The following COCH variants were observed in gnomAD, a reference collection of about 807,000 sequenced individuals.
The protein encoded by COCH is coagulation factor C homolog, cochlin (Limulus polyphemus).
COCH carries 40 observed loss-of-function variants against 54.8 expected under a neutral mutation model. The observed-to-expected ratio is 0.73, with a 90% confidence interval of 0.57 to 0.95. The LOEUF (loss-of-function observed/expected upper bound fraction) is 0.95. Ranked by LOEUF, COCH falls within the 40% of genes least tolerant of loss-of-function variation. COCH has a pLI of 0.00. For missense variants in COCH, 605 were observed against 675.0 expected, an observed-to-expected ratio of 0.90 and a Z score of 1.15; for synonymous variants, 256 against 237.9, an observed-to-expected ratio of 1.08 and a Z score of -0.70.
chr14:30,892,929 C>T (rs1049902197), downstream of COCH, among the ~76,000 whole-genome samples: 1 of 152,102 alleles, frequency 6.6e-6, no homozygotes, highest in Non-Finnish European at 1.5e-5. Context: ...ATTTCTTCCC[C>T]CAGCAACAGC....
At position 30,890,146 on chromosome 14, in the gene COCH, TTCGTTC is replaced by T. The variant is rs1895933506; in HGVS notation, c.*358_*363del. The T allele has an allele frequency of 4.1e-5, 41 of 1,011,356 alleles. No homozygotes were observed. In the South Asian group the frequency reaches 1.5e-3, roughly 37 times the overall value. The allele number at this position is 1,011,356 out of a possible 1,614,324, so 62.6% of individuals were successfully genotyped here. On this transcript the variant is annotated 3_prime_UTR_variant, in exon 12 of 12. Coordinates refer to ENST00000396618, the MANE Select transcript of COCH (RefSeq NM_004086.3). ...TCTGATACTTAGACCAAAAGCAACA[TTCGTTC>T]TCTAACCATTCTGTATTGATTATAT...
chr14:30,884,868 A>G, intron 9 of COCH: 1 of 1,532,274 alleles, frequency 6.5e-7, no homozygotes, highest in South Asian at 1.2e-5. Context: ...TAAAAAATAT[A>G]AAGCATGGTG....
At chr14:30,882,152 C>T (rs1460461526) in intron 8 of COCH, among the ~76,000 whole-genome samples, 11 of 39,764 alleles carry the variant, frequency 2.8e-4, no homozygotes, top group South Asian at 8.5e-4. Context: ...TTTTTTGAGA[C>T]GGAGTTTTGC....
At chr14:30,874,850 C>A in intron 1 of COCH, 66 bp from the exon 2 acceptor site, 1 of 1,457,970 alleles carries the variant, frequency 6.9e-7, no homozygotes, top group Non-Finnish European at 9.6e-7. Context: ...GGGTGCGGGG[C>A]TCTGAGGAGG....
At chr14:30,881,419 T>A (rs1895582876) in intron 8 of COCH, among the ~76,000 whole-genome samples, 1 of 152,054 alleles carries the variant, frequency 6.6e-6, no homozygotes, top group Non-Finnish European at 1.5e-5. Context: ...CTTTTTGGAA[T>A]AAAAGAATTT....
At chr14:30,891,052 A>T (rs1895967700), downstream of COCH, among the ~76,000 whole-genome samples, 1 of 152,148 alleles carries the variant, frequency 6.6e-6, no homozygotes, top group African/African-American at 2.4e-5. Context: ...AATAAAAAAA[A>T]AAATAAAAAG....
rs745372732 is a variant in COCH, at chr14:30,880,584, C to A, written c.482-3C>A. On this transcript the variant is annotated splice_region_variant and splice_polypyrimidine_tract_variant and intron_variant, in intron 7 of 11. Coordinates refer to ENST00000396618, the MANE Select transcript of COCH (RefSeq NM_004086.3). ...ATGAGGGGACTGGTTTGGTTGTTCG[C>A]AGATTGTAAAGCAGACATTGCATTT... 1.9e-6 allele frequency: 3 copies of A among 1,614,078 alleles called. No homozygotes were observed. The East Asian group carries it at 6.7e-5, about 36-fold the overall frequency.
At chr14:30,892,673 G>C (rs1270889157), downstream of COCH, among the ~76,000 whole-genome samples, 2 of 152,044 alleles carry the variant, frequency 1.3e-5, no homozygotes, top group African/African-American at 4.8e-5. Flanking sequence ...CAGGTATGGT[G>C]GCGCATGCCT....
At chr14:30,875,204 G>C (rs1346781996) in intron 3 of COCH, 101 bp downstream of exon 3, 52 of 1,461,610 alleles carry the variant, frequency 3.6e-5, no homozygotes, top group Non-Finnish European at 4.6e-5. Flanking sequence ...CAGCCCTACC[G>C]CCTGAGGAGG....
Position 30,877,503 on chromosome 14 carries a change from G to C in COCH, c.83-69G>C. 6.3e-7 allele frequency: 1 copy of C among 1,581,072 alleles called. No homozygotes were observed. Among genetic ancestry groups the C allele is most frequent in the Non-Finnish European group, 8.6e-7 (1 of 1,156,968 alleles). Reference sequence around the variant, plus strand: ...GGAAGTAAAACTTAAATCTCACACTGTAGTCTCCCCACCACTATGCCCCAA... The same window carrying C: ...GGAAGTAAAACTTAAATCTCACACTCTAGTCTCCCCACCACTATGCCCCAA... On this transcript the variant is annotated intron_variant, in intron 3 of 11. Coordinates refer to ENST00000396618, the MANE Select transcript of COCH (RefSeq NM_004086.3). This position sits in a 1 kb window ranked among gnomAD's most constrained non-coding sequence, Gnocchi z 8.6.
intron 4 of COCH, 114 bp from the exon 5 acceptor site, chr14:30,878,697 T>G: frequency 6.9e-7 from 1 of 1,444,776 alleles, no homozygotes. Flanking sequence ...ATGACTTCCC[T>G]GATGAGCTAT....
At chr14:30,875,171 C>A in intron 3 of COCH, 68 bp downstream of exon 3, 1 of 1,536,896 alleles carries the variant, frequency 6.5e-7, no homozygotes. Context: ...ACAAGCGGGA[C>A]TCAGATCCAG....
At chr14:30,891,739 GGTT>G (rs199648051), downstream of COCH, among the ~76,000 whole-genome samples, 1,087 of 152,210 alleles carry the variant, frequency 7.1e-3, 4 homozygotes, top group Non-Finnish European at 0.011. Context: ...TTAAGAAAGT[GGTT>G]TTTTCTTTAA....
intron 6 of COCH, among the ~76,000 whole-genome samples, chr14:30,880,034 T>G (rs1466372840): frequency 6.6e-6 from 1 of 152,226 alleles, no homozygotes; most frequent in African/African-American, 2.4e-5. Context: ...CAAAGTACCA[T>G]GAACTTCTAG....
In COCH at chr14:30,878,860, G is replaced by GA. The variant is rs1566407845; in HGVS notation, c.289_290insA (p.Gly97GlufsTer20). 6.2e-7 allele frequency: 1 copy of GA among 1,614,108 alleles called. No individual in the cohort carries two copies. The highest frequency in any genetic ancestry group is 1.7e-5 in the Admixed American group (1 of 60,024). On this transcript the variant is annotated frameshift_variant, in exon 5 of 12. Transcript: ENST00000396618. LOFTEE classifies it high-confidence loss of function. Reference sequence around the variant, plus strand: ...ACCTGTACGAGTCTATAGCCTACCTGGTCGAGAAAACTATTCCTCAGTAGA... The same window carrying GA: ...ACCTGTACGAGTCTATAGCCTACCTGAGTCGAGAAAACTATTCCTCAGTAGA...
chr14:30,874,971 C>T lies in COCH; in HGVS notation c.33C>T (p.Leu11=), dbSNP rs1895299374. The T allele has an allele frequency of 6.2e-7, 1 of 1,613,252 alleles. No homozygotes were observed. The highest frequency in any genetic ancestry group is 1.7e-5 in the Admixed American group (1 of 60,000). MSAAWIPALG[L]GVCLLLLPGP... ...CAGCCTGGATCCCGGCTCTCGGCCT[C>T]GGTGGGTGCGCGCCCCTCACGACCC... Residue 11 remains leucine (L), a splice_region_variant and synonymous_variant, in exon 2 of 12, where the codon CTC becomes CTT. Transcript: ENST00000396618.
chr14:30,875,646 A>T (rs1268834676), intron 3 of COCH: 4 of 250,122 alleles, frequency 1.6e-5, no homozygotes, highest in Non-Finnish European at 3.0e-5. Flanking sequence ...TAGAGAGTTT[A>T]AAAAGTTTGT....
chr14:30,881,691 G>A (rs1484586190), intron 8 of COCH, among the ~76,000 whole-genome samples: 1 of 152,108 alleles, frequency 6.6e-6, no homozygotes, highest in East Asian at 1.9e-4. Context: ...AGGTGCGGTG[G>A]CTCACGCCTG....
Position 30,877,742 on chromosome 14 carries a change from C to T in COCH, c.239+14C>T, listed in dbSNP as rs1895419124. On this transcript the variant is annotated intron_variant, in intron 4 of 11. Coordinates refer to ENST00000396618, the MANE Select transcript of COCH (RefSeq NM_004086.3). The surrounding 1 kb of genome is among the most constrained non-coding windows in gnomAD (Gnocchi z 8.6). Reference sequence around the variant, plus strand: ...TGCTGTCCACAGGTAAGCCCAAACACACCAGGGTGGGAGAGAAATGCAGAC... The same window carrying T: ...TGCTGTCCACAGGTAAGCCCAAACATACCAGGGTGGGAGAGAAATGCAGAC... The T allele has an allele frequency of 6.2e-7, 1 of 1,614,164 alleles. No homozygotes were observed. The highest frequency in any genetic ancestry group is 8.5e-7 in the Non-Finnish European group (1 of 1,180,028).
Sources: gnomAD v4.1 joint callset for allele counts (sites outside exome capture counted in the v4.1 genomes callset) on GRCh38, gnomAD v4.1.1 for gene constraint, Gnocchi (gnomAD v3.1) non-coding constraint, MANE v1.5 for transcripts, NCBI Gene and HGNC (gene_info 2026-07-23, HGNC 2026-07-21) for gene names.